Variants in SETDB1 observed in about 807,000 individuals in gnomAD.
The protein encoded by SETDB1 is histone-lysine N-methyltransferase SETDB1.
In SETDB1, 31 loss-of-function variants were observed where a neutral mutation model predicts 137.4. The observed-to-expected ratio is 0.23, with a 90% CI of 0.17 to 0.30. The LOEUF (loss-of-function observed/expected upper bound fraction) is 0.30, where lower values mean the gene tolerates loss of function less well. SETDB1 is among the 10% of genes least tolerant of loss of function. The pLI is 1.00. For missense variants in SETDB1, 1,113 were observed against 1,631.5 expected, an observed-to-expected ratio of 0.68 and a Z score of 5.47; for synonymous variants, 548 against 579.9, an observed-to-expected ratio of 0.95 and a Z score of 0.79.
intron 3 of SETDB1, chr1:150,930,528 T>C (rs918413018): frequency 7.9e-6 from 1 of 127,082 alleles, no homozygotes; most frequent in African/African-American, 3.1e-5. Flanking sequence ...TCTTTTTTTT[T>C]TTTTTTTTTT....
At chr1:150,962,764 G>C in intron 18 of SETDB1, 45 bp downstream of exon 18, 4 of 1,600,776 alleles carry the variant, frequency 2.5e-6, no homozygotes, top group Non-Finnish European at 2.6e-6. Flanking sequence ...AGGAAAATGG[G>C]CCATTGTCAC....
At chr1:150,948,237 A>T (rs1304052170) in intron 10 of SETDB1, among the ~76,000 whole-genome samples, 1 of 151,864 alleles carries the variant, frequency 6.6e-6, no homozygotes, top group Non-Finnish European at 1.5e-5. Context: ...TATAAAAAGA[A>T]AAAAAAGAGG....
rs1373476422 is a variant in SETDB1 at position 150,963,672 on chromosome 1, C to A, written c.3603C>A (p.Phe1201Leu). Residue 1201 changes from phenylalanine (F) to leucine (L), a missense_variant, in exon 20 of 22, where the codon TTC (phenylalanine) becomes TTA (leucine). Phe to Leu is a conservative substitution (Grantham distance 22, BLOSUM62 0). Coordinates refer to ENST00000692827, the MANE Select transcript of SETDB1 (RefSeq NM_001366418.1). The stretch of plus-strand genomic sequence containing the variant: ...CTGTTCGTAAGAACACACGCCAATT[C>A]TATGATGGCGAGGAGTCTTGCTACA... ...SAPVRKNTRQ[F>L]YDGEESCYII... 1.2e-6 allele frequency: 2 copies of A among 1,614,068 alleles called. No homozygotes were observed. The highest frequency in any genetic ancestry group is 8.5e-7 in the Non-Finnish European group (1 of 1,180,044).
Position 150,960,961 on chromosome 1 carries a change from G to T in SETDB1, c.2902G>T (p.Gly968Cys), listed in dbSNP as rs1229469920. 2 of 1,613,674 alleles carry T rather than the reference G, an allele frequency of 1.2e-6. No individual in the cohort carries two copies. The highest frequency in any genetic ancestry group is 2.7e-5 in the African/African-American group (2 of 74,758). Reference sequence around the variant, plus strand: ...TGTTCCTCCCTCAATCCCTGTAGGTGGCTGCAATCCACCTTCCTCCGAAGA... The same window carrying T: ...TGTTCCTCCCTCAATCCCTGTAGGTTGCTGCAATCCACCTTCCTCCGAAGA... The part of the protein sequence containing the change: ...IPVPPSIPVG[G>C]CNPPSSEETP... The change falls in exon 16 of 22, where the codon GGC (glycine) becomes TGC (cysteine). Residue 968 changes from glycine to cysteine, a missense_variant. This residue lies in a region of SETDB1 where 373 missense variants were observed against 412.7 expected (regional missense o/e 0.90). Transcript: ENST00000692827.
At chr1:150,950,380 G>T in intron 12 of SETDB1, 78 bp from the exon 13 acceptor site, 1 of 1,246,084 alleles carries the variant, frequency 8.0e-7, no homozygotes, top group Non-Finnish European at 1.1e-6. Flanking sequence ...GAGAGAAATG[G>T]CTTAGCTACC....
chr1:150,962,360 G>A (rs947779755), intron 17 of SETDB1, among the ~76,000 whole-genome samples: 3 of 152,174 alleles, frequency 2.0e-5, no homozygotes, highest in Non-Finnish European at 2.9e-5. Flanking sequence ...GTAGACACGG[G>A]GTTTCACCAT....
chr1:150,931,513 A>T (rs1669745879), intron 3 of SETDB1, among the ~76,000 whole-genome samples: 2 of 151,522 alleles, frequency 1.3e-5, no homozygotes, highest in Non-Finnish European at 2.9e-5. Context: ...TGAACCCAGG[A>T]GGTGGAGCTT....
intron 20 of SETDB1, 79 bp from the exon 21 acceptor site, chr1:150,963,916 T>G: frequency 7.1e-7 from 1 of 1,412,638 alleles, no homozygotes; most frequent in Non-Finnish European, 1.0e-6. Flanking sequence ...GGCATCATTT[T>G]TCTTCCAACT....
chr1:150,948,644 CA>C (rs991527468), intron 10 of SETDB1, among the ~76,000 whole-genome samples: 3 of 151,770 alleles, frequency 2.0e-5, no homozygotes, highest in Non-Finnish European at 4.4e-5. Flanking sequence ...TTATCTAAGT[CA>C]AAAAACAATG....
chr1:150,963,373 GA>G (rs934646165), intron 19 of SETDB1, 156 bp from the exon 20 acceptor site: 30 of 757,946 alleles, frequency 4.0e-5, no homozygotes, highest in East Asian at 7.9e-5. Flanking sequence ...AATTATGCTT[GA>G]AAAAAAAACC....
At chr1:150,937,344 G>A (rs969873087) in intron 3 of SETDB1, among the ~76,000 whole-genome samples, 3 of 152,104 alleles carry the variant, frequency 2.0e-5, no homozygotes, top group African/African-American at 4.8e-5. Context: ...GGAAAATGGG[G>A]AGTGTTTAAT....
Position 150,949,519 on chromosome 1 carries a change from C to T in SETDB1, c.1577C>T (p.Thr526Ile), listed in dbSNP as rs1444729635. 5.0e-6 allele frequency: 8 copies of T among 1,613,762 alleles called. No individual in the cohort carries two copies. Among genetic ancestry groups the T allele is most frequent in the East Asian group, 2.2e-5 (1 of 44,878 alleles). ...GGTGGGAAACCTGGGATCAACCAGA[C>T]ATATAGGTGAGAAAATCTGAGGCTC... ...VSGGKPGINQ[T>I]YRSPLGSTAS... The change falls in exon 12 of 22, where the codon ACA becomes ATA. Residue 526 changes from threonine (T) to isoleucine (I), a missense_variant. Thr to Ile is a moderately conservative substitution (Grantham distance 89). This residue lies in a region of SETDB1 where 192 missense variants were observed against 198.1 expected (regional missense o/e 0.97). Coordinates refer to ENST00000692827, the MANE Select transcript of SETDB1 (RefSeq NM_001366418.1).
chr1:150,962,534 A>G, intron 17 of SETDB1, 53 bp from the exon 18 acceptor site: 3 of 1,594,638 alleles, frequency 1.9e-6, no homozygotes, highest in South Asian at 2.2e-5. Flanking sequence ...CTAGGCTAGA[A>G]GCCTAAGAAA....
chr1:150,964,153 A>C, intron 21 of SETDB1, 70 bp downstream of exon 21: 1 of 1,530,510 alleles, frequency 6.5e-7, no homozygotes. Flanking sequence ...CCCCTCCTCC[A>C]TTCATGATCC....
intron 19 of SETDB1, 195 bp from the exon 20 acceptor site, chr1:150,963,335 C>T (rs41272019): frequency 0.01 from 7,298 of 717,194 alleles, 56 homozygotes; most frequent in Non-Finnish European, 0.014. Context: ...TTTACTCTTT[C>T]CCCTCAGCTC....
rs587734992 is a variant in SETDB1 at position 150,952,400 on chromosome 1, G to C, written c.2333+919G>C. Among the ~76,000 whole-genome samples the C allele has an allele frequency of 3.9e-5, 6 of 152,306 alleles. No homozygotes were observed. In the South Asian group the frequency reaches 1.0e-3, roughly 26 times the overall value. On this transcript the variant is annotated intron_variant, in intron 14 of 21. Coordinates refer to ENST00000692827, the MANE Select transcript of SETDB1 (RefSeq NM_001366418.1). ...GTAGAGGTAAGAAGGATAGATTTGG[G>C]CTGTATTAATAGGTAGAGCTACAGA...
chr1:150,952,444 T>C (rs1670516054), intron 14 of SETDB1, among the ~76,000 whole-genome samples: 1 of 151,792 alleles, frequency 6.6e-6, no homozygotes, highest in South Asian at 2.1e-4. Flanking sequence ...GATTATGGAG[T>C]GGGGGGAAAG....
intron 5 of SETDB1, among the ~76,000 whole-genome samples, chr1:150,942,362 G>A (rs12042263): frequency 0.093 from 13,886 of 150,024 alleles, 693 homozygotes; most frequent in East Asian, 0.18. Flanking sequence ...CAGGAGAATC[G>A]CTGGAACCCA....
chr1:150,963,197 G>A (rs587772766), intron 19 of SETDB1, 58 bp downstream of exon 19: 1 of 1,512,538 alleles, frequency 6.6e-7, no homozygotes, highest in Non-Finnish European at 9.1e-7. Context: ...TTGGGATAGA[G>A]CATTTTTTAA....
Sources: allele counts gnomAD v4.1 joint callset (sites outside exome capture counted in the v4.1 genomes callset), GRCh38; gene constraint gnomAD v4.1.1; regional missense constraint gnomAD v4.1.1; transcripts MANE v1.5; gene names NCBI Gene and HGNC (gene_info 2026-07-23, HGNC 2026-07-21).